KCNQ1: variants seen among roughly 807,000 people sequenced by gnomAD.
KCNQ1 encodes the protein potassium voltage-gated channel subfamily Q member 1.
In KCNQ1, 49 loss-of-function variants were observed where a neutral mutation model predicts 72.4. That is an observed-to-expected ratio of 0.68 (90% CI 0.54 to 0.86). KCNQ1 has a LOEUF of 0.86. KCNQ1 is among the 40% of genes least tolerant of loss of function. The pLI is 0.00. For missense variants in KCNQ1, 790 were observed against 945.1 expected, an observed-to-expected ratio of 0.84 and a Z score of 2.15; for synonymous variants, 450 against 412.6, an observed-to-expected ratio of 1.09 and a Z score of -1.10.
At chr11:2,780,091 G>A (rs1364403316) in intron 15 of KCNQ1, among the ~76,000 whole-genome samples, 1 of 152,190 alleles carries the variant, frequency 6.6e-6, no homozygotes, top group Admixed American at 6.5e-5. Flanking sequence ...CTCTGAGGTG[G>A]TGAGTGGCAC....
Position 2,642,413 on chromosome 11 carries a change from T to C in KCNQ1, c.1394-19548T>C. ...GATTTCTTTCTCAGCTGGTTCTTTA[T>C]TGGTATATAGAAATAAGCCTGATTT... On this transcript the variant is annotated intron_variant, in intron 10 of 15. Transcript: ENST00000155840. The surrounding 1 kb of genome is among the most constrained non-coding windows in gnomAD (Gnocchi z 4.3). The C allele has an allele frequency of 2.5e-6, 1 of 398,204 alleles. No individual in the cohort carries two copies. The highest frequency in any genetic ancestry group is 3.6e-5 in the East Asian group (1 of 27,984). The allele number at this position is 398,204 out of a possible 1,614,324, so 24.7% of individuals were successfully genotyped here.
rs754028021 is a variant in KCNQ1 at position 2,506,240 on chromosome 11, A to G, written c.387-21688A>G. 4.6e-5 allele frequency among the ~76,000 whole-genome samples: 7 copies of G among 152,296 alleles called. 1 individual carries two copies. Among genetic ancestry groups the G allele is most frequent in the Middle Eastern group, 6.8e-3 (2 of 294 alleles). On this transcript the variant is annotated intron_variant, in intron 1 of 15. Coordinates refer to ENST00000155840, the MANE Select transcript of KCNQ1 (RefSeq NM_000218.3). ...TTGACCCATATTGAGTTAATTTTTT[A>G]TATCCAGCTTTATTCTTTTGCATGT...
rs971557766 is a variant in KCNQ1, at chr11:2,695,293, A to C, written c.1514+33212A>C. On this transcript the variant is annotated intron_variant, in intron 11 of 15. Coordinates refer to ENST00000155840, the MANE Select transcript of KCNQ1 (RefSeq NM_000218.3). The surrounding 1 kb of genome is among the most constrained non-coding windows in gnomAD (Gnocchi z 5.2). ...CCTCTATCCTTGCTCTCCTCCCTAC[A>C]CAAACAGCTTCTCCAGGGTAATTTA... The C allele has an allele frequency of 7.5e-6, 3 of 398,348 alleles. No homozygotes were observed. The highest frequency in any genetic ancestry group is 1.2e-3 in the Middle Eastern group (2 of 1,610). The allele number at this position is 398,348 out of a possible 1,614,324, so 24.7% of individuals were successfully genotyped here. A position where few individuals can be genotyped will look rare whatever the true frequency, so the allele number is the denominator to read the frequency against.
Position 2,536,202 on chromosome 11 carries a change from G to A in KCNQ1, c.477+8184G>A, listed in dbSNP as rs975049011. ...GGCAGCAGGGGCGCTCAGCTGGGCC[G>A]CGGCTCCACGGTGTTAAGGGATTCT... On this transcript the variant is annotated intron_variant, in intron 2 of 15. Coordinates refer to ENST00000155840, the MANE Select transcript of KCNQ1 (RefSeq NM_000218.3). The surrounding 1 kb of genome is among the most constrained non-coding windows in gnomAD (Gnocchi z 7.4). Among the ~76,000 whole-genome samples the A allele has an allele frequency of 6.6e-6, 1 of 152,372 alleles. No individual in the cohort carries two copies. Among genetic ancestry groups the A allele is most frequent in the Non-Finnish European group, 1.5e-5 (1 of 68,038 alleles).
At position 2,746,388 on chromosome 11, in the gene KCNQ1, T is replaced by C. The variant is rs964694103; in HGVS notation, c.1515-22456T>C. 6.6e-6 allele frequency among the ~76,000 whole-genome samples: 1 copy of C among 152,204 alleles called. No homozygotes were observed. Among genetic ancestry groups the C allele is most frequent in the African/African-American group, 2.4e-5 (1 of 41,434 alleles). On this transcript the variant is annotated intron_variant, in intron 11 of 15. Transcript: ENST00000155840. The surrounding 1 kb of genome is among the most constrained non-coding windows in gnomAD (Gnocchi z 5.9). ...GACTGTTAACTGAGTCCATGCTTGATGCAGATTTCCTCAGTTTCCCTACTG... is the reference window on the plus strand; with the variant it reads ...GACTGTTAACTGAGTCCATGCTTGACGCAGATTTCCTCAGTTTCCCTACTG...
chr11:2,823,519 A>G (rs1436805718), intron 15 of KCNQ1, among the ~76,000 whole-genome samples: 2 of 152,184 alleles, frequency 1.3e-5, no homozygotes, highest in African/African-American at 4.8e-5. Context: ...GAGGCAGAAG[A>G]CCCTACACAG....
chr11:2,634,320 TCCCCCCTC>T lies in KCNQ1; in HGVS notation c.1394-27634_1394-27627del, dbSNP rs781391536. 151 of 165,072 alleles carry T rather than the reference TCCCCCCTC, an allele frequency of 9.1e-4. 1 individual carries two copies. Among genetic ancestry groups the T allele is most frequent in the African/African-American group, 1.9e-3 (40 of 20,638 alleles). 10.2% of individuals were successfully genotyped at this position (165,072 alleles called of 1,614,324 possible). On this transcript the variant is annotated intron_variant, in intron 10 of 15. Coordinates refer to ENST00000155840, the MANE Select transcript of KCNQ1 (RefSeq NM_000218.3). The stretch of plus-strand genomic sequence containing the variant: ...ATCTCCTAATGCTTTCCCTCCCCCC[TCCCCCCTC>T]CCCCCCCACCCCACAACAGGCCCTG...
chr11:2,587,509 C>T, intron 8 of KCNQ1, 61 bp from the exon 9 acceptor site: 1 of 1,609,866 alleles, frequency 6.2e-7, no homozygotes, highest in South Asian at 1.1e-5. Context: ...GCTGTAGCTT[C>T]CATAAGGGCC....
intron 10 of KCNQ1, among the ~76,000 whole-genome samples, chr11:2,589,343 G>A (rs1408357142): frequency 6.6e-6 from 1 of 152,168 alleles, no homozygotes; most frequent in Non-Finnish European, 1.5e-5. Context: ...GGGGCCCCGA[G>A]TCTGTGCGTG....
At chr11:2,802,782 T>C (rs1001653926) in intron 15 of KCNQ1, among the ~76,000 whole-genome samples, 2 of 151,964 alleles carry the variant, frequency 1.3e-5, no homozygotes, top group Non-Finnish European at 2.9e-5. Context: ...AGCCACTGCA[T>C]GCTCCCAGCC....
rs920458809 is a variant in KCNQ1 at position 2,541,577 on chromosome 11, T to C, written c.477+13559T>C. 6.6e-6 allele frequency among the ~76,000 whole-genome samples: 1 copy of C among 151,978 alleles called. No homozygotes were observed. The highest frequency in any genetic ancestry group is 2.4e-5 in the African/African-American group (1 of 41,396). Reference sequence around the variant, plus strand: ...AAGCCTGGGATTGAGGACAAAGCCATGGGGACGCCGTTTTCGGGATGCTTG... The same window carrying C: ...AAGCCTGGGATTGAGGACAAAGCCACGGGGACGCCGTTTTCGGGATGCTTG... On this transcript the variant is annotated intron_variant, in intron 2 of 15. Coordinates refer to ENST00000155840, the MANE Select transcript of KCNQ1 (RefSeq NM_000218.3). The surrounding 1 kb of genome is among the most constrained non-coding windows in gnomAD (Gnocchi z 4.8).
In KCNQ1 at chr11:2,477,984, T is replaced by C. The variant is rs1256423784; in HGVS notation, c.386+32500T>C. On this transcript the variant is annotated intron_variant, in intron 1 of 15. Coordinates refer to ENST00000155840, the MANE Select transcript of KCNQ1 (RefSeq NM_000218.3). The surrounding 1 kb of genome is among the most constrained non-coding windows in gnomAD (Gnocchi z 5.0). The stretch of plus-strand genomic sequence containing the variant: ...CTCAGTGTCTCCCACCACCACTTAC[T>C]AGTTACAAAGGAAAAAGAATCACTT... Among the ~76,000 whole-genome samples, 1 of 152,086 alleles carries C rather than the reference T, an allele frequency of 6.6e-6. No individual in the cohort carries two copies. The highest frequency in any genetic ancestry group is 1.5e-5 in the Non-Finnish European group (1 of 68,018).
At position 2,691,733 on chromosome 11, in the gene KCNQ1, A is replaced by G; in HGVS notation, c.1514+29652A>G. 1 of 398,670 alleles carries G rather than the reference A, an allele frequency of 2.5e-6. No individual in the cohort carries two copies. Among genetic ancestry groups the G allele is most frequent in the Non-Finnish European group, 4.4e-6 (1 of 226,122 alleles). The allele number at this position is 398,670 out of a possible 1,614,324, so 24.7% of individuals were successfully genotyped here. A position where few individuals can be genotyped will look rare whatever the true frequency, so the allele number is the denominator to read the frequency against. On this transcript the variant is annotated intron_variant, in intron 11 of 15. Coordinates refer to ENST00000155840, the MANE Select transcript of KCNQ1 (RefSeq NM_000218.3). The surrounding 1 kb of genome is among the most constrained non-coding windows in gnomAD (Gnocchi z 6.4). ...GGAGAGGCAGCCCACAGGGAGCCAC[A>G]CAGGCAGGGGACATTCCACTAGGGC...
Position 2,803,624 on chromosome 11 carries a change from C to T in KCNQ1, c.1794+25587C>T, listed in dbSNP as rs886866950. On this transcript the variant is annotated intron_variant, in intron 15 of 15. Transcript: ENST00000155840. This position sits in a 1 kb window ranked among gnomAD's most constrained non-coding sequence, Gnocchi z 6.4. ...CCTAGGCCTGTACCGTCTGCAGCCC[C>T]ATCTCCAGGTCCCGGCCTGCCCCAG... Among the ~76,000 whole-genome samples, 7 of 152,254 alleles carry T rather than the reference C, an allele frequency of 4.6e-5. No individual in the cohort carries two copies. Among genetic ancestry groups the T allele is most frequent in the African/African-American group, 1.4e-4 (6 of 41,550 alleles).
At chr11:2,539,548 C>G (rs1589938499) in intron 2 of KCNQ1, among the ~76,000 whole-genome samples, 1 of 152,218 alleles carries the variant, frequency 6.6e-6, no homozygotes, top group East Asian at 1.9e-4. Context: ...GATGGCTGTG[C>G]TGGCCGAAGG....
chr11:2,649,289 CTCAT>C (rs1849721415), intron 10 of KCNQ1: 1 of 398,222 alleles, frequency 2.5e-6, no homozygotes, highest in Admixed American at 4.4e-5. Flanking sequence ...TTTGTTTCCT[CTCAT>C]TGTTTTTCTT....
rs1026189552 is a variant in KCNQ1 at position 2,848,901 on chromosome 11, T to C, written c.*898T>C. 53 of 453,860 alleles carry C rather than the reference T, an allele frequency of 1.2e-4. No individual in the cohort carries two copies. The Admixed American group carries it at 1.2e-3, about 11-fold the overall frequency. The allele number at this position is 453,860 out of a possible 1,614,324, so 28.1% of individuals were successfully genotyped here. The stretch of plus-strand genomic sequence containing the variant: ...ACATCGCATAGAAATCAATAATTTG[T>C]GGTGATTTGGATCTGTGTTTTAATG... On this transcript the variant is annotated 3_prime_UTR_variant, in exon 16 of 16. Transcript: ENST00000155840.
intron 11 of KCNQ1, among the ~76,000 whole-genome samples, chr11:2,705,911 GA>G (rs1850903888): frequency 6.6e-6 from 1 of 152,368 alleles, no homozygotes; most frequent in Admixed American, 6.5e-5. Context: ...TGAGGCTGCT[GA>G]AATGAAACCC....
chr11:2,494,992 TATTA>T lies in KCNQ1; in HGVS notation c.387-32931_387-32928del, dbSNP rs1846887278. 2.0e-5 allele frequency among the ~76,000 whole-genome samples: 3 copies of T among 152,344 alleles called. No homozygotes were observed. Among genetic ancestry groups the T allele is most frequent in the Middle Eastern group, 3.4e-3 (1 of 294 alleles). On this transcript the variant is annotated intron_variant, in intron 1 of 15. Transcript: ENST00000155840. This position sits in a 1 kb window ranked among gnomAD's most constrained non-coding sequence, Gnocchi z 4.6. ...CCTGGGCTTTTTTTGGTTGGCAGGC[TATTA>T]ATTACTGCCTCAATTTCAGAACTTG...
Sources: allele counts gnomAD v4.1 joint callset (sites outside exome capture counted in the v4.1 genomes callset), GRCh38; gene constraint gnomAD v4.1.1; non-coding constraint Gnocchi (gnomAD v3.1); transcripts MANE v1.5; gene names NCBI Gene and HGNC (gene_info 2026-07-23, HGNC 2026-07-21).